GLIS1: variants seen among roughly 807,000 people sequenced by gnomAD.
GLIS1 encodes the protein GLIS family zinc finger 1.
Under a neutral mutation model 63.8 loss-of-function variants are expected in GLIS1, and 24 were observed. That is an observed-to-expected ratio of 0.38 (90% confidence interval 0.27 to 0.53). The LOEUF (loss-of-function observed/expected upper bound fraction) is 0.53. Among genes scored for constraint, GLIS1 ranks in the 20% least tolerant of loss-of-function variants. GLIS1 has a pLI of 0.85. For synonymous variants in GLIS1, 450 were observed against 482.5 expected, an observed-to-expected ratio of 0.93 and a Z score of 0.88; for missense variants, 1,036 against 1,074.1, an observed-to-expected ratio of 0.96 and a Z score of 0.50.
intron 2 of GLIS1, among the ~76,000 whole-genome samples, chr1:53,628,322 C>T (rs920689728): frequency 2.0e-5 from 3 of 152,088 alleles, no homozygotes; most frequent in East Asian, 3.9e-4. Flanking sequence ...TGACCTTATC[C>T]ACCTCTGTAT....
rs193059626 is a variant in GLIS1 at position 53,594,029 on chromosome 1, G to A, written c.1320+79C>T. 2.0e-4 allele frequency: 299 copies of A among 1,470,828 alleles called. 1 individual carries two copies. The African/African-American group carries it at 3.3e-3, about 16-fold the overall frequency. The allele number at this position is 1,470,828 out of a possible 1,614,324, so 91.1% of individuals were successfully genotyped here. On this transcript the variant is annotated intron_variant, in intron 4 of 10. Coordinates refer to ENST00000628545, the MANE Select transcript of GLIS1 (RefSeq NM_001367484.1). The stretch of plus-strand genomic sequence containing the variant: ...CAGCCCAGAGGACGGAGTCCCAGGC[G>A]GCCTCTCCTGGGGCACTGGGGTGAG...
intron 4 of GLIS1, among the ~76,000 whole-genome samples, chr1:53,588,660 G>T (rs1645160112): frequency 6.6e-6 from 1 of 152,238 alleles, no homozygotes; most frequent in South Asian, 2.1e-4. Flanking sequence ...CCACAGGGCT[G>T]GTCTCAAGAT....
chr1:53,672,064 G>A (rs945871528), intron 2 of GLIS1, among the ~76,000 whole-genome samples: 2 of 152,206 alleles, frequency 1.3e-5, no homozygotes, highest in African/African-American at 4.8e-5. Flanking sequence ...GTGGCCAACT[G>A]CAGGGTAGGA....
At chr1:53,514,191 G>A (rs997344103) in intron 8 of GLIS1, among the ~76,000 whole-genome samples, 2 of 152,228 alleles carry the variant, frequency 1.3e-5, no homozygotes, top group African/African-American at 4.8e-5. Flanking sequence ...GGCTGGAGGT[G>A]GGCGTGGGGC....
At chr1:53,670,351 A>G (rs187604194) in intron 2 of GLIS1, among the ~76,000 whole-genome samples, 4 of 152,244 alleles carry the variant, frequency 2.6e-5, no homozygotes, top group African/African-American at 7.2e-5. Context: ...ACAGACCCCA[A>G]TCTGATGCCC....
intron 4 of GLIS1, among the ~76,000 whole-genome samples, chr1:53,565,770 G>T (rs1392077150): frequency 1.3e-5 from 2 of 151,432 alleles, no homozygotes; most frequent in Admixed American, 1.3e-4. Context: ...AATGTTCAAA[G>T]AACATATCAT....
At chr1:53,627,663 C>G (rs770625159) in intron 2 of GLIS1, among the ~76,000 whole-genome samples, 1 of 152,144 alleles carries the variant, frequency 6.6e-6, no homozygotes, top group Non-Finnish European at 1.5e-5. Context: ...CGGTTTTGTT[C>G]GTATTTATTA....
At position 53,705,204 on chromosome 1, in the gene GLIS1, A is replaced by G. The variant is rs534137485; in HGVS notation, c.259+32602T>C. Among the ~76,000 whole-genome samples, 22 of 152,260 alleles carry G rather than the reference A, an allele frequency of 1.4e-4. 1 individual carries two copies. Among genetic ancestry groups the G allele is most frequent in the African/African-American group, 5.1e-4 (21 of 41,552 alleles). The stretch of plus-strand genomic sequence containing the variant: ...CATTTGACTCCCACAGCTACTATGT[A>G]TCATACAATGACACTGAGCCCTGGG... On this transcript the variant is annotated intron_variant, in intron 2 of 10. Coordinates refer to ENST00000628545, the MANE Select transcript of GLIS1 (RefSeq NM_001367484.1).
intron 6 of GLIS1, 82 bp downstream of exon 6, chr1:53,524,695 T>G: frequency 7.8e-6 from 7 of 899,236 alleles, no homozygotes; most frequent in South Asian, 1.4e-5. Flanking sequence ...GGCAGATGCA[T>G]GTGTTGAGGG....
intron 4 of GLIS1, among the ~76,000 whole-genome samples, chr1:53,570,231 C>T (rs1557455956): frequency 6.6e-6 from 1 of 151,966 alleles, no homozygotes; most frequent in Non-Finnish European, 1.5e-5. Flanking sequence ...ATCTTCCTAC[C>T]TCAGCCTCCC....
intron 2 of GLIS1, among the ~76,000 whole-genome samples, chr1:53,607,858 C>G (rs1430916676): frequency 6.6e-6 from 1 of 152,140 alleles, no homozygotes; most frequent in Non-Finnish European, 1.5e-5. Context: ...GGTAAGGGCT[C>G]TCTTCCTGGC....
chr1:53,694,176 G>T lies in GLIS1; in HGVS notation c.259+43630C>A, dbSNP rs569489932. Among the ~76,000 whole-genome samples, 311 of 152,310 alleles carry T rather than the reference G, an allele frequency of 2.0e-3. 2 individuals are homozygous for T. Among genetic ancestry groups the T allele is most frequent in the African/African-American group, 7.3e-3 (303 of 41,578 alleles). On this transcript the variant is annotated intron_variant, in intron 2 of 10. Coordinates refer to ENST00000628545, the MANE Select transcript of GLIS1 (RefSeq NM_001367484.1). ...CTGGGGTCAGGGCAGGTCTAGGATG[G>T]CCCTGAATGAGTTTGAAAGACCAAT...
Position 53,737,951 on chromosome 1 carries a change from G to A in GLIS1, c.114C>T (p.Val38=), listed in dbSNP as rs2100588923. The change falls in exon 2 of 11, where the codon GTC becomes GTT. Residue 38 remains valine (V), a synonymous_variant. Transcript: ENST00000628545. ...CCCCGCAGCCGCCGCCACTCACGGT[G>A]ACCCTGAAGGCCATGTGCGCGCCGA... is the stretch of plus-strand genomic sequence containing the variant. The part of the protein sequence containing the change: ...ASLGAHMAFR[V]TVSGGGCGDR... The A allele has an allele frequency of 1.6e-6, 2 of 1,230,174 alleles. No homozygotes were observed. Among genetic ancestry groups the A allele is most frequent in the South Asian group, 4.1e-5 (1 of 24,294 alleles). 76.2% of individuals were successfully genotyped at this position (1,230,174 alleles called of 1,614,324 possible). A position where few individuals can be genotyped will look rare whatever the true frequency, so the allele number is the denominator to read the frequency against.
intron 4 of GLIS1, among the ~76,000 whole-genome samples, chr1:53,530,518 T>C (rs1393999158): frequency 6.6e-6 from 1 of 152,002 alleles, no homozygotes; most frequent in Non-Finnish European, 1.5e-5. Flanking sequence ...GAGCACAGAG[T>C]TGATGCTAAC....
intron 2 of GLIS1, among the ~76,000 whole-genome samples, chr1:53,602,028 C>T (rs998526): frequency 0.81 from 122,397 of 152,004 alleles, 54,053 homozygotes; most frequent in Non-Finnish European, 0.99. Flanking sequence ...CCCAGCCACA[C>T]GCGAGCCCGT....
chr1:53,559,514 A>T (rs1335651567), intron 4 of GLIS1, among the ~76,000 whole-genome samples: 1 of 152,104 alleles, frequency 6.6e-6, no homozygotes, highest in Non-Finnish European at 1.5e-5. Flanking sequence ...AGGCGACCTC[A>T]GGCTGGGATG....
At chr1:53,699,868 C>T (rs1615037) in intron 2 of GLIS1, among the ~76,000 whole-genome samples, 94,963 of 152,020 alleles carry the variant, frequency 0.62, 32,279 homozygotes, top group Non-Finnish European at 0.74. Flanking sequence ...ACCCTCATGG[C>T]CTCACCTAAT....
rs1569925622 is a variant in GLIS1 at position 53,616,478 on chromosome 1, CT to C, written c.260-16201del. Among the ~76,000 whole-genome samples, 3 of 152,218 alleles carry C rather than the reference CT, an allele frequency of 2.0e-5. No homozygotes were observed. In the East Asian group the frequency reaches 5.8e-4, roughly 29 times the overall value. On this transcript the variant is annotated intron_variant, in intron 2 of 10. Transcript: ENST00000628545. ...TAATTAGGTAACTCCTGTGCCCACA[CT>C]GGTTTTTTCCCCCTCACTGATAAAA...
At chr1:53,569,129 A>T (rs1385643423) in intron 4 of GLIS1, among the ~76,000 whole-genome samples, 1 of 152,252 alleles carries the variant, frequency 6.6e-6, no homozygotes, top group South Asian at 2.1e-4. Flanking sequence ...CAGTGAAAAC[A>T]TCGGTGGTTG....
Sources: gnomAD v4.1 joint callset for allele counts (sites outside exome capture counted in the v4.1 genomes callset) on GRCh38, gnomAD v4.1.1 for gene constraint, MANE v1.5 for transcripts, NCBI Gene and HGNC (gene_info 2026-07-23, HGNC 2026-07-21) for gene names.